RBM28: variants seen among roughly 807,000 people sequenced by gnomAD.
RBM28 encodes RNA-binding protein 28.
RBM28 carries 78 observed loss-of-function variants against 98.3 expected under a neutral mutation model. The observed-to-expected ratio is 0.79, with a 90% CI of 0.66 to 0.96. RBM28 has a LOEUF of 0.96. Among genes scored for constraint, RBM28 ranks in the 40% least tolerant of loss-of-function variants. The pLI is 0.00. For synonymous variants in RBM28, 306 were observed against 330.9 expected (o/e 0.92, Z 0.82); for missense variants, 838 against 913.0 (o/e 0.92, Z 1.06).
intron 5 of RBM28, among the ~76,000 whole-genome samples, chr7:128,337,598 G>A (rs112419228): frequency 5.7e-4 from 78 of 135,778 alleles, no homozygotes; most frequent in African/African-American, 2.0e-3. Context: ...TCGCTCTGTC[G>A]CCCAGGCTGG....
chr7:128,329,888 C>CAAAAAAAAAA (rs398006204), intron 10 of RBM28, among the ~76,000 whole-genome samples: 4 of 101,624 alleles, frequency 3.9e-5, no homozygotes, highest in African/African-American at 1.3e-4. Flanking sequence ...GACTCCGTCT[C>CAAAAAAAAAA]AAAAAAAAAA....
chr7:128,310,697 A>T lies in RBM28; in HGVS notation c.*100T>A, dbSNP rs202239853. 2.7e-6 allele frequency: 4 copies of T among 1,508,322 alleles called. No homozygotes were observed. The highest frequency in any genetic ancestry group is 3.7e-6 in the Non-Finnish European group (4 of 1,094,070). 93.4% of individuals were successfully genotyped at this position (1,508,322 alleles called of 1,614,324 possible). On this transcript the variant is annotated 3_prime_UTR_variant, in exon 19 of 19. Coordinates refer to ENST00000223073, the MANE Select transcript of RBM28 (RefSeq NM_018077.3). ...GAGCACAGTGGCAGTGCCCTTGGGGATTTTCTTTCCCTCAGTGAGAGACAC... is the reference window on the plus strand; with the variant it reads ...GAGCACAGTGGCAGTGCCCTTGGGGTTTTTCTTTCCCTCAGTGAGAGACAC...
At chr7:128,317,329 G>C (rs1374655866) in intron 16 of RBM28, among the ~76,000 whole-genome samples, 8 of 152,204 alleles carry the variant, frequency 5.3e-5, no homozygotes, top group Non-Finnish European at 1.2e-4. Flanking sequence ...AAATATGGAA[G>C]AGATAACTGA....
In RBM28 at chr7:128,298,799, C is replaced by G. The variant is rs1795741928; in HGVS notation, c.*11998G>C. On this transcript the variant is annotated 3_prime_UTR_variant, in exon 19 of 19. Coordinates refer to ENST00000223073, the MANE Select transcript of RBM28 (RefSeq NM_018077.3). ...CTAAGGTGGGTGGATCACTTGAGCT[C>G]AGGAGTTTGAGACCAGCCTGGGCAA... 1 of 152,150 alleles carries G rather than the reference C, an allele frequency of 6.6e-6. No individual in the cohort carries two copies. The highest frequency in any genetic ancestry group is 2.1e-4 in the South Asian group (1 of 4,826). 9.4% of individuals were successfully genotyped at this position (152,150 alleles called of 1,614,324 possible).
At position 128,309,002 on chromosome 7, in the gene RBM28, A is replaced by G. The variant is rs1262684029; in HGVS notation, c.*1795T>C. ...AAAAAAAAAAAAAAAAGAAATAACC[A>G]TATCTCTAGCTCAGCAATGGTTCTG... On this transcript the variant is annotated 3_prime_UTR_variant, in exon 19 of 19. Coordinates refer to ENST00000223073, the MANE Select transcript of RBM28 (RefSeq NM_018077.3). 7.9e-5 allele frequency: 12 copies of G among 151,286 alleles called. No individual in the cohort carries two copies. Among genetic ancestry groups the G allele is most frequent in the Admixed American group, 5.9e-4 (9 of 15,130 alleles). 9.4% of individuals were successfully genotyped at this position (151,286 alleles called of 1,614,324 possible). A position where few individuals can be genotyped will look rare whatever the true frequency, so the allele number is the denominator to read the frequency against.
intron 17 of RBM28, 129 bp from the exon 18 acceptor site, chr7:128,313,403 G>A (rs1206507359): frequency 2.2e-6 from 2 of 908,926 alleles, no homozygotes; most frequent in East Asian, 2.5e-5. Context: ...TACTGCAACA[G>A]ACCCTCTGAA....
intron 14 of RBM28, among the ~76,000 whole-genome samples, chr7:128,320,532 T>C (rs1309599768): frequency 6.6e-6 from 1 of 152,208 alleles, no homozygotes; most frequent in Non-Finnish European, 1.5e-5. Flanking sequence ...CCAGTGTTTT[T>C]CTAATTCAAC....
chr7:128,329,149 G>A (rs1316826841), intron 10 of RBM28, among the ~76,000 whole-genome samples: 1 of 151,962 alleles, frequency 6.6e-6, no homozygotes, highest in Admixed American at 6.6e-5. Flanking sequence ...GCCCAGGCTA[G>A]AGTGCAGTGG....
rs1384808670 is a variant in RBM28 at position 128,324,665 on chromosome 7, C to T, written c.1233G>A (p.Gln411=). The change falls in exon 12 of 19, where the codon CAG becomes CAA. Residue 411 remains glutamine, a synonymous_variant. Transcript: ENST00000223073. Reference sequence around the variant, plus strand: ...GGGTCACCGCCAAGTCAACCTTGAGCTGCCGGCCATCCAGTTTAAGCCCAC... The same window carrying T: ...GGGTCACCGCCAAGTCAACCTTGAGTTGCCGGCCATCCAGTTTAAGCCCAC... The part of the protein sequence containing the change: ...EAGGLKLDGR[Q]LKVDLAVTRD... The T allele has an allele frequency of 6.2e-7, 1 of 1,614,186 alleles. No homozygotes were observed. Among genetic ancestry groups the T allele is most frequent in the East Asian group, 2.2e-5 (1 of 44,888 alleles).
intron 9 of RBM28, 93 bp from the exon 10 acceptor site, chr7:128,331,021 C>T: frequency 1.2e-6 from 1 of 858,922 alleles, no homozygotes; most frequent in Non-Finnish European, 2.0e-6. Context: ...GATATCAACT[C>T]TCCCTTGTTC....
At chr7:128,341,053 A>G (rs1308488179) in intron 1 of RBM28, 3 of 955,842 alleles carry the variant, frequency 3.1e-6, no homozygotes, top group Admixed American at 3.0e-5. Context: ...CATTTTGTAT[A>G]GTAAAATTTT....
At chr7:128,326,026 C>T (rs771369316) in intron 10 of RBM28, 135 bp from the exon 11 acceptor site, 19 of 754,528 alleles carry the variant, frequency 2.5e-5, no homozygotes, top group Middle Eastern at 2.3e-4. Context: ...GCCATGTAGC[C>T]GGGTGCAGTG....
chr7:128,314,885 C>G lies in RBM28; in HGVS notation c.1924G>C (p.Ala642Pro), dbSNP rs201232253. ...SKVPPEQKRKAGSTSWTGFQT... is the reference protein window; with the variant it reads ...SKVPPEQKRKPGSTSWTGFQT... ...AACCCGGTCCATGAGGTAGAGCCCG[C>G]CTTTCTCTTCTGCTCTGGGGGCACC... is the stretch of plus-strand genomic sequence containing the variant. Residue 642 changes from alanine to proline, a missense_variant, in exon 17 of 19, where the codon GCG becomes CCG. Ala to Pro is a conservative substitution (Grantham distance 27). Coordinates refer to ENST00000223073, the MANE Select transcript of RBM28 (RefSeq NM_018077.3). 6.2e-7 allele frequency: 1 copy of G among 1,614,162 alleles called. No individual in the cohort carries two copies. Among genetic ancestry groups the G allele is most frequent in the South Asian group, 1.1e-5 (1 of 91,082 alleles).
rs575948476 is a variant in RBM28 at position 128,304,367 on chromosome 7, A to G, written c.*6430T>C. ...AGCAGTCACTCATTTCATGGAATGG[A>G]TATGGGCTGTTACTCAGTGAAAAGA... On this transcript the variant is annotated 3_prime_UTR_variant, in exon 19 of 19. Transcript: ENST00000223073. 1 of 152,328 alleles carries G rather than the reference A, an allele frequency of 6.6e-6. No homozygotes were observed. Among genetic ancestry groups the G allele is most frequent in the South Asian group, 2.1e-4 (1 of 4,828 alleles). 9.4% of individuals were successfully genotyped at this position (152,328 alleles called of 1,614,324 possible).
rs1420590380 is a variant in RBM28, at chr7:128,331,151, C to A, written c.1020-223G>T. 1.3e-5 allele frequency among the ~76,000 whole-genome samples: 2 copies of A among 152,132 alleles called. No individual in the cohort carries two copies. The highest frequency in any genetic ancestry group is 4.8e-5 in the African/African-American group (2 of 41,424). ...AAACGTAAACAGACACATACAAAGA[C>A]CAGAAACTGCAGGTAAAGATTCATT... On this transcript the variant is annotated intron_variant, in intron 9 of 18. Transcript: ENST00000223073.
Position 128,317,734 on chromosome 7 carries a change from C to A in RBM28, c.1714-1G>T. 1 of 1,596,002 alleles carries A rather than the reference C, an allele frequency of 6.3e-7. No individual in the cohort carries two copies. Among genetic ancestry groups the A allele is most frequent in the Non-Finnish European group, 8.6e-7 (1 of 1,163,732 alleles). ...CTAAAGAGAACTCCACTATTGGTCTCTGTCAGAGGGAGACAGAATGCCATT... is the reference window on the plus strand; with the variant it reads ...CTAAAGAGAACTCCACTATTGGTCTATGTCAGAGGGAGACAGAATGCCATT... On this transcript the variant is annotated splice_acceptor_variant, in intron 15 of 18. Transcript: ENST00000223073. LOFTEE classifies it high-confidence loss of function.
rs1271290897 is a variant in RBM28, at chr7:128,335,838, G to A, written c.809+9C>T. On this transcript the variant is annotated intron_variant, in intron 7 of 18. Transcript: ENST00000223073. The stretch of plus-strand genomic sequence containing the variant: ...CCTCTGCTGTCTCAGAACAGGATGA[G>A]CTGCTTACCTCTTCTGAATTTGCAC... The A allele has an allele frequency of 6.2e-7, 1 of 1,613,962 alleles. No homozygotes were observed. Among genetic ancestry groups the A allele is most frequent in the African/African-American group, 1.3e-5 (1 of 74,916 alleles).
chr7:128,343,045 G>A (rs938142962), intron 1 of RBM28, among the ~76,000 whole-genome samples: 2 of 151,990 alleles, frequency 1.3e-5, no homozygotes, highest in Non-Finnish European at 2.9e-5. Context: ...TTATTGGCTC[G>A]TTTATTGGCT....
Position 128,338,279 on chromosome 7 carries a change from A to C in RBM28, c.512T>G (p.Leu171Arg). The C allele has an allele frequency of 1.9e-6, 3 of 1,614,146 alleles. No individual in the cohort carries two copies. The highest frequency in any genetic ancestry group is 2.5e-6 in the Non-Finnish European group (3 of 1,179,978). The change falls in exon 5 of 19, where the codon CTC becomes CGC. Residue 171 changes from leucine to arginine, a missense_variant. Leu to Arg is a moderately radical substitution (Grantham distance 102). Coordinates refer to ENST00000223073, the MANE Select transcript of RBM28 (RefSeq NM_018077.3). ...FKNLLEAGKA[L>R]KGMNMKEIKG... ...TATCTCTTTCATGTTCATGCCTTTG[A>C]GAGCTTTACCTGCTTCTAGGAGGTT...
Sources: gnomAD v4.1 joint callset for allele counts (sites outside exome capture counted in the v4.1 genomes callset) on GRCh38, gnomAD v4.1.1 for gene constraint, MANE v1.5 for transcripts, NCBI Gene and HGNC (gene_info 2026-07-23, HGNC 2026-07-21) for gene names.